SCARA3: variants seen among roughly 807,000 people sequenced by gnomAD.
SCARA3 encodes cellular stress response gene protein.
A neutral mutation model predicts 47.0 loss-of-function variants in SCARA3; 39 were observed. That is an observed-to-expected ratio of 0.83 (90% CI 0.64 to 1.08). The LOEUF (loss-of-function observed/expected upper bound fraction) is 1.08, where lower values mean the gene tolerates loss of function less well. SCARA3 is among the 50% of genes least tolerant of loss of function. SCARA3 has a pLI of 0.00. For synonymous variants in SCARA3, 356 were observed against 334.1 expected, an observed-to-expected ratio of 1.07 and a Z score of -0.71; for missense variants, 724 against 792.3, an observed-to-expected ratio of 0.91 and a Z score of 1.04.
intron 1 of SCARA3, among the ~76,000 whole-genome samples, chr8:27,646,975 C>CCCCCCCCCCCCCCCCCCCCA: frequency 9.8e-6 from 1 of 102,468 alleles, no homozygotes; most frequent in East Asian, 6.0e-4. Context: ...CGCCCCCGCC[C>CCCCCCCCCCCCCCCCCCCCA]CCCCCCCGCA....
chr8:27,715,832 A>AGATAGAT, the SCARA3 span, among the ~76,000 whole-genome samples: 1 of 95,024 alleles, frequency 1.1e-5, no homozygotes, highest in Non-Finnish European at 2.1e-5. The surrounding 1 kb of genome is among the most constrained non-coding windows in gnomAD (Gnocchi z 4.2). Context: ...GATGATAGAT[A>AGATAGAT]GATAGATAGA....
the SCARA3 span, among the ~76,000 whole-genome samples, chr8:27,724,764 A>T: frequency 6.6e-6 from 1 of 152,212 alleles, no homozygotes; most frequent in Non-Finnish European, 1.5e-5. Flanking sequence ...TCTGAGACCT[A>T]TCCCATTCTT....
chr8:27,726,441 G>A, the SCARA3 span, among the ~76,000 whole-genome samples: 1 of 152,118 alleles, frequency 6.6e-6, no homozygotes, highest in Non-Finnish European at 1.5e-5. Flanking sequence ...GCTCATGCCT[G>A]TGATCCCAGC....
chr8:27,691,545 G>T, the SCARA3 span, among the ~76,000 whole-genome samples: 499 of 152,258 alleles, frequency 3.3e-3, 5 homozygotes, highest in African/African-American at 9.8e-3. Context: ...CTTGCACCCA[G>T]TGAACCGCTG....
At chr8:27,706,448 C>T in the SCARA3 span, among the ~76,000 whole-genome samples, 17 of 152,084 alleles carry the variant, frequency 1.1e-4, no homozygotes, top group Non-Finnish European at 2.1e-4. Context: ...CCACCATGCC[C>T]GTCCTCATGC....
the SCARA3 span, among the ~76,000 whole-genome samples, chr8:27,717,630 C>T: frequency 1.3e-5 from 2 of 151,988 alleles, no homozygotes; most frequent in African/African-American, 2.4e-5. Context: ...ACTAAAAATA[C>T]AAAAATTAGT....
At chr8:27,707,120 T>A in the SCARA3 span, among the ~76,000 whole-genome samples, 1 of 152,172 alleles carries the variant, frequency 6.6e-6, no homozygotes, top group Non-Finnish European at 1.5e-5. Flanking sequence ...AGCCTAACCA[T>A]GGGGTAGTCA....
chr8:27,727,009 A>G, the SCARA3 span, among the ~76,000 whole-genome samples: 1 of 152,092 alleles, frequency 6.6e-6, no homozygotes, highest in Non-Finnish European at 1.5e-5. Context: ...CCTGACCTGC[A>G]GTTATCTGCC....
chr8:27,666,353 A>G (rs1802014523), intron 5 of SCARA3, among the ~76,000 whole-genome samples: 1 of 152,224 alleles, frequency 6.6e-6, no homozygotes, highest in Admixed American at 6.5e-5. Context: ...GGCCCTTGGT[A>G]TCCCTCCAAA....
chr8:27,659,568 A>T, intron 5 of SCARA3, 29 bp downstream of exon 5: 15 of 1,553,988 alleles, frequency 9.7e-6, no homozygotes, highest in Non-Finnish European at 1.3e-5. Context: ...TAGGGCTGCT[A>T]CAAAGCTTCC....
chr8:27,698,259 T>G, the SCARA3 span, among the ~76,000 whole-genome samples: 4 of 134,828 alleles, frequency 3.0e-5, no homozygotes, highest in Non-Finnish European at 6.9e-5. Flanking sequence ...AACGTAAATA[T>G]TAAAATGCAT....
At chr8:27,691,251 C>A in the SCARA3 span, among the ~76,000 whole-genome samples, 1 of 152,032 alleles carries the variant, frequency 6.6e-6, no homozygotes, top group Non-Finnish European at 1.5e-5. Context: ...CCTAGGAATT[C>A]ATCAGTCCTC....
At position 27,650,241 on chromosome 8, in the gene SCARA3, C is replaced by A. The variant is rs34012035; in HGVS notation, c.106+441C>A. Among the ~76,000 whole-genome samples the A allele has an allele frequency of 6.5e-3, 995 of 152,146 alleles. 16 individuals are homozygous for A. Among genetic ancestry groups the A allele is most frequent in the African/African-American group, 0.023 (937 of 41,528 alleles). On this transcript the variant is annotated intron_variant, in intron 2 of 5. Coordinates refer to ENST00000301904, the MANE Select transcript of SCARA3 (RefSeq NM_016240.3). ...AACTCCTGGCCTCAAGTGATCTGCC[C>A]GCCTCAGCCTCCCAAATTGCTGGGG...
chr8:27,722,415 T>C, the SCARA3 span, among the ~76,000 whole-genome samples: 1 of 152,008 alleles, frequency 6.6e-6, no homozygotes, highest in Non-Finnish European at 1.5e-5. Flanking sequence ...GGCTTCTGCA[T>C]CTATAAAAAA....
chr8:27,700,693 A>G, the SCARA3 span, among the ~76,000 whole-genome samples: 6 of 152,308 alleles, frequency 3.9e-5, no homozygotes, highest in South Asian at 1.2e-3. Context: ...CACATGAAAA[A>G]GTGTTCCAGC....
intron 1 of SCARA3, among the ~76,000 whole-genome samples, chr8:27,636,579 C>T (rs1327913809): frequency 2.6e-5 from 4 of 152,192 alleles, no homozygotes; most frequent in Non-Finnish European, 1.5e-5. Flanking sequence ...CCAGGCTCTC[C>T]TTGTGCTGTG....
chr8:27,673,194 G>A (rs570422715), downstream of SCARA3, among the ~76,000 whole-genome samples: 29 of 152,366 alleles, frequency 1.9e-4, no homozygotes, highest in African/African-American at 3.1e-4. Flanking sequence ...GACCAAGAGC[G>A]TCTGAGGGAA....
At chr8:27,639,923 G>C (rs1801347281) in intron 1 of SCARA3, among the ~76,000 whole-genome samples, 6 of 152,160 alleles carry the variant, frequency 3.9e-5, no homozygotes, top group Admixed American at 3.9e-4. Flanking sequence ...AGGGCCAGAG[G>C]GGCTGAGTGG....
chr8:27,682,074 G>T, the SCARA3 span, among the ~76,000 whole-genome samples: 1 of 152,120 alleles, frequency 6.6e-6, no homozygotes, highest in Non-Finnish European at 1.5e-5. Context: ...GTGTGGTATT[G>T]ATGTAAAGAC....
Sources: allele counts gnomAD v4.1 joint callset (sites outside exome capture counted in the v4.1 genomes callset), GRCh38; gene constraint gnomAD v4.1.1; non-coding constraint Gnocchi (gnomAD v3.1); transcripts MANE v1.5; gene names NCBI Gene and HGNC (gene_info 2026-07-23, HGNC 2026-07-21).